The following ABCA13 variants were observed in gnomAD, a reference collection of about 807,000 sequenced individuals.
ABCA13 encodes the protein ATP-binding cassette sub-family A member 13.
A neutral mutation model predicts 478.7 loss-of-function variants in ABCA13; 476 were observed. That is an observed-to-expected ratio of 0.99 (90% CI 0.92 to 1.07). The LOEUF is 1.07. Among genes scored for constraint, ABCA13 ranks in the 50% least tolerant of loss-of-function variants. ABCA13 has a pLI of 0.00. For missense variants in ABCA13, 6,060 were observed against 5,910.6 expected, an observed-to-expected ratio of 1.03 and a Z score of -0.83; for synonymous variants, 2,252 against 2,158.9, an observed-to-expected ratio of 1.04 and a Z score of -1.20.
chr7:48,592,732 A>T lies in ABCA13; in HGVS notation c.14641-1978A>T, dbSNP rs751821518. 1.2e-4 allele frequency among the ~76,000 whole-genome samples: 18 copies of T among 151,918 alleles called. No individual in the cohort carries two copies. In the East Asian group the frequency reaches 3.3e-3, roughly 28 times the overall value. ...TTTTACTCCTTTCAGTTTTGTTAAT[A>T]TTTGCATTACATATATAGTACTCTA... On this transcript the variant is annotated intron_variant, in intron 57 of 61. Transcript: ENST00000435803.
intron 48 of ABCA13, among the ~76,000 whole-genome samples, chr7:48,489,716 C>A (rs1829672468): frequency 1.3e-5 from 2 of 152,180 alleles, no homozygotes; most frequent in East Asian, 3.8e-4. Flanking sequence ...TGTCCCTCCT[C>A]CTTATCACTG....
At chr7:48,478,370 A>T (rs150375620) in intron 45 of ABCA13, among the ~76,000 whole-genome samples, 4 of 150,722 alleles carry the variant, frequency 2.7e-5, no homozygotes, top group African/African-American at 9.7e-5. Flanking sequence ...GCATTACCTC[A>T]TGTACTTATT....
chr7:48,312,521 T>G (rs1198358440), intron 24 of ABCA13, among the ~76,000 whole-genome samples: 1 of 152,188 alleles, frequency 6.6e-6, no homozygotes, highest in African/African-American at 2.4e-5. Context: ...GGCACTGACA[T>G]TTTTAAAGAA....
At chr7:48,177,712 T>C (rs1449040850) in intron 1 of ABCA13, among the ~76,000 whole-genome samples, 3 of 152,228 alleles carry the variant, frequency 2.0e-5, no homozygotes. Context: ...GCAGGTGAGA[T>C]GGAACTCCTG....
rs564833717 is a variant in ABCA13, at chr7:48,617,194, C to T, written c.14837+1817C>T. ...CAATAACTAGATTTTTCATAAACTT[C>T]GGCATCCATACCTGGGAGTTAGCAA... On this transcript the variant is annotated intron_variant, in intron 59 of 61. Coordinates refer to ENST00000435803, the MANE Select transcript of ABCA13 (RefSeq NM_152701.5). Among the ~76,000 whole-genome samples, 43 of 152,260 alleles carry T rather than the reference C, an allele frequency of 2.8e-4. No homozygotes were observed. The South Asian group carries it at 4.8e-3, about 17-fold the overall frequency.
chr7:48,271,048 C>T (rs528221196), intron 16 of ABCA13, among the ~76,000 whole-genome samples: 2 of 152,202 alleles, frequency 1.3e-5, no homozygotes, highest in African/African-American at 4.8e-5. Context: ...CCAGCCCTCA[C>T]TGAGATGCAT....
At chr7:48,347,075 A>G (rs1011282978) in intron 29 of ABCA13, among the ~76,000 whole-genome samples, 1 of 152,182 alleles carries the variant, frequency 6.6e-6, no homozygotes, top group Non-Finnish European at 1.5e-5. Context: ...CAGCCATTGC[A>G]TACCCCATAA....
chr7:48,612,954 A>G (rs1175478121), intron 58 of ABCA13, among the ~76,000 whole-genome samples: 1 of 152,152 alleles, frequency 6.6e-6, no homozygotes, highest in Admixed American at 6.5e-5. Context: ...ACACAAAAGT[A>G]CACATGAACA....
At chr7:48,482,407 A>C (rs1828863761) in intron 46 of ABCA13, among the ~76,000 whole-genome samples, 1 of 151,246 alleles carries the variant, frequency 6.6e-6, no homozygotes, top group South Asian at 2.1e-4. Flanking sequence ...TTTGAAATGG[A>C]GTCTTGCTCT....
At chr7:48,579,637 T>G (rs1216261668) in intron 55 of ABCA13, among the ~76,000 whole-genome samples, 1 of 152,210 alleles carries the variant, frequency 6.6e-6, no homozygotes, top group Non-Finnish European at 1.5e-5. Flanking sequence ...AGTTTGATTA[T>G]GTATGTAGAC....
At position 48,615,286 on chromosome 7, in the gene ABCA13, AT is replaced by A; in HGVS notation, c.14747del (p.Met4916ArgfsTer13). On this transcript the variant is annotated frameshift_variant and splice_region_variant, in exon 59 of 62. Transcript: ENST00000435803. LOFTEE classifies it high-confidence loss of function. ...GCAAVLTSHS[M>X]EECEALCTRL... ...TTTGTCTCTTTTCCTTCTTTACAGC[AT>A]GGAGGAGTGTGAGGCTCTTTGCACA... 1 of 1,541,726 alleles carries A rather than the reference AT, an allele frequency of 6.5e-7. No individual in the cohort carries two copies. The highest frequency in any genetic ancestry group is 1.3e-5 in the South Asian group (1 of 79,432).
At chr7:48,323,877 C>T (rs1242366698) in intron 27 of ABCA13, among the ~76,000 whole-genome samples, 2 of 152,168 alleles carry the variant, frequency 1.3e-5, no homozygotes, top group Non-Finnish European at 2.9e-5. Flanking sequence ...GAATAAGTCT[C>T]ATGAGATCTG....
intron 24 of ABCA13, among the ~76,000 whole-genome samples, chr7:48,312,593 C>A (rs958767742): frequency 2.0e-5 from 3 of 152,290 alleles, no homozygotes; most frequent in Middle Eastern, 3.4e-3. Flanking sequence ...GACTTTTAAT[C>A]TCCTCAAGCC....
At chr7:48,341,896 CTTTCTGA>C in intron 29 of ABCA13, among the ~76,000 whole-genome samples, 1 of 56,036 alleles carries the variant, frequency 1.8e-5, no homozygotes, top group Non-Finnish European at 3.7e-5. Flanking sequence ...ATATATATAT[CTTTCTGA>C]TATATATATA....
intron 40 of ABCA13, among the ~76,000 whole-genome samples, chr7:48,411,031 C>A (rs543861828): frequency 8.6e-6 from 1 of 115,892 alleles, no homozygotes. Flanking sequence ...TTCTTTCTTT[C>A]TTTCTTTCTT....
At chr7:48,494,278 G>C (rs1230045226) in intron 48 of ABCA13, among the ~76,000 whole-genome samples, 1 of 152,164 alleles carries the variant, frequency 6.6e-6, no homozygotes. Flanking sequence ...TGAGAAACCT[G>C]CTAAAATCTC....
At chr7:48,179,015 T>C (rs1430934050) in intron 1 of ABCA13, among the ~76,000 whole-genome samples, 1 of 136,864 alleles carries the variant, frequency 7.3e-6, no homozygotes, top group African/African-American at 2.7e-5. Context: ...ATAATAATAA[T>C]AATAATAAAA....
chr7:48,358,727 G>C (rs567670532), intron 31 of ABCA13, among the ~76,000 whole-genome samples: 2 of 152,094 alleles, frequency 1.3e-5, no homozygotes, highest in South Asian at 4.1e-4. Context: ...ACTAATAAGG[G>C]GCGAAAAGGG....
At chr7:48,401,797 A>G (rs1563191865) in intron 38 of ABCA13, among the ~76,000 whole-genome samples, 1 of 134,544 alleles carries the variant, frequency 7.4e-6, no homozygotes, top group Non-Finnish European at 1.6e-5. Flanking sequence ...AAAATTGTCC[A>G]TAAAATGTGT....
Sources: allele counts gnomAD v4.1 joint callset (sites outside exome capture counted in the v4.1 genomes callset), GRCh38; gene constraint gnomAD v4.1.1; transcripts MANE v1.5; gene names NCBI Gene and HGNC (gene_info 2026-07-23, HGNC 2026-07-21).